Variants in DERL1 observed in about 807,000 individuals in gnomAD.
The protein encoded by DERL1 is derlin-1.
A neutral mutation model predicts 41.6 loss-of-function variants in DERL1; 24 were observed. The observed-to-expected ratio is 0.58, with a 90% confidence interval of 0.42 to 0.81. The LOEUF (loss-of-function observed/expected upper bound fraction) is 0.81. Ranked by LOEUF, DERL1 falls within the 30% of genes least tolerant of loss-of-function variation. The probability of loss-of-function intolerance (pLI) is 0.00; values close to 1 mark genes in which losing one functional copy is unlikely to be tolerated. For synonymous variants in DERL1, 124 were observed against 112.5 expected, an observed-to-expected ratio of 1.10 and a Z score of -0.65; for missense variants, 260 against 314.3, an observed-to-expected ratio of 0.83 and a Z score of 1.31.
chr8:123,026,933 CA>C (rs1417505113), intron 2 of DERL1, among the ~76,000 whole-genome samples: 2 of 152,124 alleles, frequency 1.3e-5, no homozygotes, highest in African/African-American at 4.8e-5. Flanking sequence ...ACATAAGTCA[CA>C]AAAGGCAACA....
intron 2 of DERL1, among the ~76,000 whole-genome samples, chr8:123,027,455 A>G (rs1010532686): frequency 1.2e-4 from 19 of 152,270 alleles, no homozygotes; most frequent in Middle Eastern, 6.8e-3. Context: ...AACTCTGTCA[A>G]TATACTAAAA....
Position 123,013,752 on chromosome 8 carries a change from T to C in DERL1, c.*1695A>G, listed in dbSNP as rs145540299. 13 of 152,330 alleles carry C rather than the reference T, an allele frequency of 8.5e-5. No homozygotes were observed. The highest frequency in any genetic ancestry group is 2.9e-4 in the African/African-American group (12 of 41,568). 9.4% of individuals were successfully genotyped at this position (152,330 alleles called of 1,614,324 possible). A position where few individuals can be genotyped will look rare whatever the true frequency, so the allele number is the denominator to read the frequency against. ...ACAATGAGTCTCCACGCCTGTACAA[T>C]GAGTGTACGTGCAACATAATTGGAG... On this transcript the variant is annotated 3_prime_UTR_variant, in exon 8 of 8. Coordinates refer to ENST00000259512, the MANE Select transcript of DERL1 (RefSeq NM_024295.6).
chr8:123,029,875 C>G (rs1451761427), intron 2 of DERL1, among the ~76,000 whole-genome samples: 1 of 152,046 alleles, frequency 6.6e-6, no homozygotes, highest in African/African-American at 2.4e-5. Context: ...GCCTGGCCAA[C>G]AGGGTAAAAC....
intron 1 of DERL1, among the ~76,000 whole-genome samples, chr8:123,040,191 C>T (rs1419249345): frequency 6.6e-6 from 1 of 152,090 alleles, no homozygotes; most frequent in Non-Finnish European, 1.5e-5. Flanking sequence ...ACACTCCAGC[C>T]TGGGCAACAG....
At chr8:123,021,001 C>T (rs1466966433) in intron 6 of DERL1, among the ~76,000 whole-genome samples, 38 of 150,170 alleles carry the variant, frequency 2.5e-4, no homozygotes, top group Non-Finnish European at 8.9e-5. Context: ...TATCATCAAA[C>T]CACTTGCAAA....
chr8:123,029,223 G>A (rs1812769632), intron 2 of DERL1, among the ~76,000 whole-genome samples: 1 of 152,142 alleles, frequency 6.6e-6, no homozygotes, highest in African/African-American at 2.4e-5. Context: ...CCCCTAATAT[G>A]GTGGTGAGAG....
chr8:123,020,723 G>A (rs1814738745), intron 6 of DERL1, among the ~76,000 whole-genome samples: 2 of 148,686 alleles, frequency 1.3e-5, no homozygotes, highest in South Asian at 2.1e-4. Flanking sequence ...GCCAAGGCAG[G>A]CAGATCATTT....
chr8:123,017,460 C>T (rs952905963), intron 7 of DERL1: 1 of 152,122 alleles, frequency 6.6e-6, no homozygotes, highest in African/African-American at 2.4e-5. Context: ...AAGCCATCTC[C>T]ACTGCTTAAG....
intron 6 of DERL1, among the ~76,000 whole-genome samples, chr8:123,020,390 G>A (rs1814729559): frequency 6.6e-6 from 1 of 152,146 alleles, no homozygotes; most frequent in Non-Finnish European, 1.5e-5. Flanking sequence ...TGAGGCATGA[G>A]AATTGCTTGA....
chr8:123,021,556 T>G, intron 5 of DERL1, 57 bp from the exon 6 acceptor site: 16 of 1,495,236 alleles, frequency 1.1e-5, no homozygotes, highest in Non-Finnish European at 1.5e-5. Flanking sequence ...AGGACACAGC[T>G]ACTACGGGGA....
intron 1 of DERL1, among the ~76,000 whole-genome samples, chr8:123,032,165 T>C (rs1812831574): frequency 6.6e-6 from 1 of 151,220 alleles, no homozygotes; most frequent in Non-Finnish European, 1.5e-5. Flanking sequence ...GATAGGATCT[T>C]GCTCTGATGC....
intron 2 of DERL1, among the ~76,000 whole-genome samples, chr8:123,030,012 A>T (rs1302914845): frequency 6.6e-6 from 1 of 152,206 alleles, no homozygotes; most frequent in African/African-American, 2.4e-5. Context: ...GTGAACTGAG[A>T]TGGCACCACT....
chr8:123,033,464 C>A (rs1458994756), intron 1 of DERL1, among the ~76,000 whole-genome samples: 5 of 152,158 alleles, frequency 3.3e-5, no homozygotes, highest in Admixed American at 3.3e-4. Context: ...TGAGCTTCGG[C>A]CGGGAGTAGT....
chr8:123,028,959 T>C (rs900196482), intron 2 of DERL1, among the ~76,000 whole-genome samples: 3 of 151,438 alleles, frequency 2.0e-5, no homozygotes, highest in South Asian at 2.1e-4. Context: ...TTGTAGCTAC[T>C]AGGGAGGCTA....
intron 2 of DERL1, among the ~76,000 whole-genome samples, chr8:123,026,054 C>A (rs552728112): frequency 6.6e-6 from 1 of 152,040 alleles, no homozygotes; most frequent in South Asian, 2.1e-4. Flanking sequence ...CCGTTCCACA[C>A]CCCCTCACAG....
intron 4 of DERL1, among the ~76,000 whole-genome samples, chr8:123,023,305 C>T (rs1035455326): frequency 3.9e-5 from 6 of 152,168 alleles, no homozygotes; most frequent in African/African-American, 1.4e-4. Context: ...TGCCTGTAAT[C>T]CCAGCACTTT....
At chr8:123,033,725 A>G (rs1261894531) in intron 1 of DERL1, among the ~76,000 whole-genome samples, 1 of 152,218 alleles carries the variant, frequency 6.6e-6, no homozygotes, top group Non-Finnish European at 1.5e-5. Context: ...CCTGGGCAAC[A>G]AGAGCGAAAC....
intron 2 of DERL1, chr8:123,030,110 T>C (rs766988240): frequency 2.0e-5 from 3 of 152,244 alleles, no homozygotes; most frequent in Non-Finnish European, 4.4e-5. Context: ...TCATACCTGA[T>C]AAACTACCAT....
At chr8:123,025,365 C>T (rs1416142542) in intron 2 of DERL1, among the ~76,000 whole-genome samples, 1 of 152,164 alleles carries the variant, frequency 6.6e-6, no homozygotes, top group African/African-American at 2.4e-5. Context: ...CCCTGTATCC[C>T]AAAGACCAGT....
Sources: allele counts gnomAD v4.1 joint callset (sites outside exome capture counted in the v4.1 genomes callset), GRCh38; gene constraint gnomAD v4.1.1; transcripts MANE v1.5; gene names NCBI Gene and HGNC (gene_info 2026-07-23, HGNC 2026-07-21).